The following TMEM47 variants were observed in gnomAD, a reference collection of about 807,000 sequenced individuals.
TMEM47 encodes transmembrane protein 47, also known as brain cell membrane protein 1.
In TMEM47, 3 loss-of-function variants were observed where a neutral mutation model predicts 12.4. The observed-to-expected ratio is 0.24, with a 90% CI of 0.11 to 0.63. The LOEUF (loss-of-function observed/expected upper bound fraction) is 0.63, where lower values mean the gene tolerates loss of function less well. TMEM47 is among the 20% of genes least tolerant of loss of function. TMEM47 has a pLI of 0.86. For synonymous variants in TMEM47, 62 were observed against 63.3 expected (o/e 0.98, Z 0.10); for missense variants, 89 against 143.8 (o/e 0.62, Z 1.95).
In TMEM47 at chrX:34,656,817, G is replaced by A. The variant is rs373050571; in HGVS notation, c.213C>T (p.Ser71=). ...PASLDIWHCE[S]TLSSDWQIAT... ...CCAGGCCCTCACCGCTGCTGAGCGT[G>A]GACTCGCAGTGCCAGATGTCCAAGC... Residue 71 remains serine, a synonymous_variant, in exon 1 of 3, where the codon TCC becomes TCT. Transcript: ENST00000275954. The A allele has an allele frequency of 2.8e-5, 33 of 1,165,218 alleles. No homozygotes were observed. The African/African-American group carries it at 5.0e-4, about 18-fold the overall frequency.
In TMEM47 at chrX:34,653,860, A is replaced by ATT. The variant is rs202092862; in HGVS notation, c.226+2942_226+2943dup. ...CTAAACTTCCTAACAAGCACACTTT[A>ATT]TTTTTTTTTTCTCTTTCCACCATTA... On this transcript the variant is annotated intron_variant, in intron 1 of 2. Coordinates refer to ENST00000275954, the MANE Select transcript of TMEM47 (RefSeq NM_031442.4). Among the ~76,000 whole-genome samples the ATT allele has an allele frequency of 3.4e-3, 363 of 108,290 alleles. 1 individual carries two copies. Among genetic ancestry groups the ATT allele is most frequent in the African/African-American group, 0.012 (353 of 29,789 alleles). The allele number at this position is 108,290 out of a possible 115,157, so 94.0% of individuals were successfully genotyped here. A position where few individuals can be genotyped will look rare whatever the true frequency, so the allele number is the denominator to read the frequency against.
rs1167714286 is a variant in TMEM47 at position 34,630,501 on chromosome X, A to G, written c.368-10T>C. The G allele has an allele frequency of 1.7e-6, 2 of 1,181,776 alleles. No individual in the cohort carries two copies. Among genetic ancestry groups the G allele is most frequent in the African/African-American group, 3.5e-5 (2 of 56,379 alleles). Reference sequence around the variant, plus strand: ...CAAACCTGTAAAACAACTGAAAGAAAAGCAAATCAAAATTAGAAAATGTTA... The same window carrying G: ...CAAACCTGTAAAACAACTGAAAGAAGAGCAAATCAAAATTAGAAAATGTTA... On this transcript the variant is annotated splice_polypyrimidine_tract_variant and intron_variant, in intron 2 of 2. Transcript: ENST00000275954.
chrX:34,655,152 G>A (rs1922082483), intron 1 of TMEM47, among the ~76,000 whole-genome samples: 1 of 111,889 alleles, frequency 8.9e-6, no homozygotes, highest in East Asian at 2.8e-4. Flanking sequence ...AAAAGCAAAT[G>A]TGAGTTGAAA....
chrX:34,656,200 G>C, intron 1 of TMEM47, among the ~76,000 whole-genome samples: 1 of 111,336 alleles, frequency 9.0e-6, no homozygotes, highest in East Asian at 2.8e-4. Flanking sequence ...CAACGGCGGC[G>C]TCACCAAAAA....
chrX:34,649,766 C>T (rs1351483283), intron 1 of TMEM47, among the ~76,000 whole-genome samples: 1 of 111,933 alleles, frequency 8.9e-6, no homozygotes, highest in Non-Finnish European at 1.9e-5. Context: ...TGCCCTGCTG[C>T]CCAGGCTGGA....
chrX:34,644,612 G>C (rs1261440074), intron 1 of TMEM47, among the ~76,000 whole-genome samples: 1 of 112,043 alleles, frequency 8.9e-6, no homozygotes, highest in African/African-American at 3.2e-5. Context: ...TGTAGCTACT[G>C]GTTATATGCT....
In TMEM47 at chrX:34,627,209, G is replaced by A. The variant is rs1921523472; in HGVS notation, c.*3104C>T. On this transcript the variant is annotated 3_prime_UTR_variant, in exon 3 of 3. Transcript: ENST00000275954. ...GGAGTGATAAACAGGTTTTCCCCCA[G>A]ATGACTTAAAAAAAATAACCAGGAT... is the stretch of plus-strand genomic sequence containing the variant. The A allele has an allele frequency of 9.0e-6, 1 of 111,569 alleles. No homozygotes were observed. Among genetic ancestry groups the A allele is most frequent in the Non-Finnish European group, 1.9e-5 (1 of 53,015 alleles). The allele number at this position is 111,569 out of a possible 1,213,427, so 9.2% of individuals were successfully genotyped here.
chrX:34,640,613 A>C lies in TMEM47; in HGVS notation c.227-1226T>G, dbSNP rs550147355. Reference sequence around the variant, plus strand: ...AGAAAATGCAAATGGATTTTAATCTATCATTAAATTGCAATGGATTCTATC... The same window carrying C: ...AGAAAATGCAAATGGATTTTAATCTCTCATTAAATTGCAATGGATTCTATC... On this transcript the variant is annotated intron_variant, in intron 1 of 2. Coordinates refer to ENST00000275954, the MANE Select transcript of TMEM47 (RefSeq NM_031442.4). Among the ~76,000 whole-genome samples the C allele has an allele frequency of 6.2e-4, 69 of 111,798 alleles. No individual in the cohort carries two copies. In the South Asian group the frequency reaches 0.025, roughly 40 times the overall value.
intron 1 of TMEM47, among the ~76,000 whole-genome samples, chrX:34,642,062 G>A (rs1373267417): frequency 1.8e-5 from 2 of 111,740 alleles, no homozygotes; most frequent in Non-Finnish European, 3.8e-5. Flanking sequence ...TCACCATGTT[G>A]GCCAGGCTGG....
intron 2 of TMEM47, among the ~76,000 whole-genome samples, chrX:34,637,199 G>C (rs1371369159): frequency 9.0e-6 from 1 of 110,713 alleles, no homozygotes; most frequent in Non-Finnish European, 1.9e-5. Flanking sequence ...AGATTTATAG[G>C]ACTGGTGAGA....
intron 2 of TMEM47, 41 bp downstream of exon 2, chrX:34,639,206 T>C (rs773473954): frequency 1.7e-6 from 2 of 1,153,816 alleles, no homozygotes; most frequent in African/African-American, 3.6e-5. Flanking sequence ...GAAAGGTTCA[T>C]GAAACTTTAA....
intron 1 of TMEM47, among the ~76,000 whole-genome samples, chrX:34,640,481 A>C (rs1168413044): frequency 8.9e-6 from 1 of 112,348 alleles, no homozygotes; most frequent in East Asian, 2.8e-4. Context: ...TGAATCTATG[A>C]AAGTACTATA....
In TMEM47 at chrX:34,642,476, G is replaced by C. The variant is rs777082789; in HGVS notation, c.227-3089C>G. 9.0e-5 allele frequency among the ~76,000 whole-genome samples: 10 copies of C among 111,699 alleles called. No individual in the cohort carries two copies. In the East Asian group the frequency reaches 2.8e-3, roughly 31 times the overall value. ...AATGCTATAGTAGAAAGCACCAGGA[G>C]AATAAAAGTAAAAGGGACTAGAACC... is the stretch of plus-strand genomic sequence containing the variant. On this transcript the variant is annotated intron_variant, in intron 1 of 2. Transcript: ENST00000275954.
chrX:34,641,047 A>G (rs910708343), intron 1 of TMEM47, among the ~76,000 whole-genome samples: 1 of 109,571 alleles, frequency 9.1e-6, no homozygotes, highest in Non-Finnish European at 1.9e-5. Flanking sequence ...AAGGCTAGCC[A>G]TACTGGGCTT....
intron 1 of TMEM47, among the ~76,000 whole-genome samples, chrX:34,655,665 G>A (rs1296429771): frequency 9.0e-6 from 1 of 111,059 alleles, no homozygotes; most frequent in Non-Finnish European, 1.9e-5. Context: ...AACTTGAAAC[G>A]TTTCCAGGAA....
rs1307547696 is a variant in TMEM47, at chrX:34,630,064, C to T, written c.*249G>A. On this transcript the variant is annotated 3_prime_UTR_variant, in exon 3 of 3. Coordinates refer to ENST00000275954, the MANE Select transcript of TMEM47 (RefSeq NM_031442.4). ...TAGACCCTTCATTTGTCAAGAAAAA[C>T]GATATGAACATATTGGAAGTTTGCA... The T allele has an allele frequency of 7.2e-6, 2 of 277,500 alleles. No individual in the cohort carries two copies. Among genetic ancestry groups the T allele is most frequent in the Non-Finnish European group, 1.3e-5 (2 of 156,875 alleles). The allele number at this position is 277,500 out of a possible 1,213,427, so 22.9% of individuals were successfully genotyped here. A position where few individuals can be genotyped will look rare whatever the true frequency, so the allele number is the denominator to read the frequency against.
At position 34,629,419 on chromosome X, in the gene TMEM47, AT is replaced by A. The variant is rs1441534287; in HGVS notation, c.*893del. On this transcript the variant is annotated 3_prime_UTR_variant, in exon 3 of 3. Transcript: ENST00000275954. ...CTCAAACCACTTCACTAGAGTAAAT[AT>A]TAATTTTACGTGTGATAGGCAAATG... 2 of 111,776 alleles carry A rather than the reference AT, an allele frequency of 1.8e-5. No homozygotes were observed. The highest frequency in any genetic ancestry group is 3.8e-5 in the Non-Finnish European group (2 of 53,182). The allele number at this position is 111,776 out of a possible 1,213,427, so 9.2% of individuals were successfully genotyped here.
chrX:34,638,038 C>T (rs903395672), intron 2 of TMEM47, among the ~76,000 whole-genome samples: 1 of 110,797 alleles, frequency 9.0e-6, no homozygotes, highest in Non-Finnish European at 1.9e-5. Context: ...GTGCTTTCTA[C>T]TCTATTAGTG....
chrX:34,648,857 TAAAC>T (rs907583423), intron 1 of TMEM47, among the ~76,000 whole-genome samples: 1 of 110,731 alleles, frequency 9.0e-6, no homozygotes, highest in African/African-American at 3.3e-5. Flanking sequence ...AAGAGAAAAA[TAAAC>T]AACCCCATTA....
Sources: allele counts gnomAD v4.1 joint callset (sites outside exome capture counted in the v4.1 genomes callset), GRCh38; gene constraint gnomAD v4.1.1; transcripts MANE v1.5; gene names NCBI Gene and HGNC (gene_info 2026-07-23, HGNC 2026-07-21).